MICAL2: variants seen among roughly 807,000 people sequenced by gnomAD.
MICAL2 encodes the protein microtubule associated monooxygenase, calponin and LIM domain containing 2, also known as [F-actin]-monooxygenase MICAL2.
A neutral mutation model predicts 127.3 loss-of-function variants in MICAL2; 77 were observed. The ratio of observed to expected loss-of-function variants is 0.60; its 90% CI spans 0.50 to 0.73. The LOEUF is 0.73. Among genes scored for constraint, MICAL2 ranks in the 30% least tolerant of loss-of-function variants. The probability of loss-of-function intolerance (pLI) is 0.00; values close to 1 mark genes in which losing one functional copy is unlikely to be tolerated. For synonymous variants in MICAL2, 570 were observed against 551.1 expected, an observed-to-expected ratio of 1.03 and a Z score of -0.48; for missense variants, 1,351 against 1,434.4, an observed-to-expected ratio of 0.94 and a Z score of 0.94.
intron 22 of MICAL2, among the ~76,000 whole-genome samples, chr11:12,252,119 G>T (rs1478277882): frequency 1.3e-5 from 2 of 152,134 alleles, no homozygotes; most frequent in South Asian, 4.1e-4. Flanking sequence ...CAAAGCCCAG[G>T]AAGTCCTTTG....
intron 2 of MICAL2, among the ~76,000 whole-genome samples, chr11:12,153,927 T>C (rs989882213): frequency 5.3e-5 from 8 of 152,302 alleles, no homozygotes; most frequent in South Asian, 2.1e-4. Flanking sequence ...GCTCTGCATG[T>C]GGGGTAAGAT....
chr11:12,126,070 T>C (rs1317885879), intron 1 of MICAL2, among the ~76,000 whole-genome samples: 1 of 152,234 alleles, frequency 6.6e-6, no homozygotes, highest in Non-Finnish European at 1.5e-5. Flanking sequence ...GAGGCCCTCC[T>C]GCAGAGCCTG....
chr11:12,329,240 G>C (rs1864387576), intron 32 of MICAL2, among the ~76,000 whole-genome samples: 1 of 152,166 alleles, frequency 6.6e-6, no homozygotes, highest in Admixed American at 6.5e-5. Flanking sequence ...CAAATATAAA[G>C]AGTTTCTTGC....
At chr11:12,330,083 T>C (rs985214094) in intron 32 of MICAL2, among the ~76,000 whole-genome samples, 2 of 152,148 alleles carry the variant, frequency 1.3e-5, no homozygotes, top group African/African-American at 4.8e-5. Flanking sequence ...AACAAGGGGC[T>C]GGAGACTAAA....
chr11:12,360,120 A>T (rs558593426), downstream of MICAL2, among the ~76,000 whole-genome samples: 2,702 of 113,380 alleles, frequency 0.024, 66 homozygotes, highest in African/African-American at 0.097. Context: ...TTTTTTTTTT[A>T]AAAAAAAAAT....
At chr11:12,242,121 C>G (rs1278791877) in intron 18 of MICAL2, 93 bp from the exon 19 acceptor site, 2 of 1,103,038 alleles carry the variant, frequency 1.8e-6, no homozygotes, top group Non-Finnish European at 2.5e-6. Flanking sequence ...CTGGTGCACC[C>G]TTTGTCTCTG....
intron 33 of MICAL2, among the ~76,000 whole-genome samples, chr11:12,354,456 G>C (rs1250558665): frequency 7.3e-6 from 1 of 137,040 alleles, no homozygotes; most frequent in Non-Finnish European, 1.6e-5. Flanking sequence ...TGGGTGACAA[G>C]AGCAAACTCT....
intron 29 of MICAL2, among the ~76,000 whole-genome samples, chr11:12,302,833 G>A (rs1864062786): frequency 6.6e-6 from 1 of 152,144 alleles, no homozygotes; most frequent in African/African-American, 2.4e-5. Flanking sequence ...CTGGCCAGAA[G>A]TATTTATTTT....
intron 3 of MICAL2, among the ~76,000 whole-genome samples, chr11:12,178,193 C>T (rs1285148056): frequency 1.3e-5 from 2 of 152,166 alleles, no homozygotes; most frequent in African/African-American, 4.8e-5. Context: ...GGATCTTCCA[C>T]TAGCTGAACA....
intron 3 of MICAL2, among the ~76,000 whole-genome samples, chr11:12,194,082 C>T (rs1315308357): frequency 6.6e-6 from 1 of 152,212 alleles, no homozygotes; most frequent in Non-Finnish European, 1.5e-5. Flanking sequence ...TCAAGTGGCC[C>T]CCGGCCATGG....
intron 1 of MICAL2, among the ~76,000 whole-genome samples, chr11:12,113,979 C>T (rs1426250930): frequency 6.6e-6 from 1 of 152,216 alleles, no homozygotes; most frequent in Non-Finnish European, 1.5e-5. Flanking sequence ...ATCCTCTGTG[C>T]TCTTTGCTCT....
At chr11:12,268,984 C>T (rs539129859) in intron 24 of MICAL2, among the ~76,000 whole-genome samples, 4 of 151,934 alleles carry the variant, frequency 2.6e-5, no homozygotes, top group Admixed American at 6.5e-5. Context: ...CGGCGACGAG[C>T]GAGACTCCGT....
At chr11:12,338,789 C>G (rs1425943861) in intron 32 of MICAL2, among the ~76,000 whole-genome samples, 1 of 152,230 alleles carries the variant, frequency 6.6e-6, no homozygotes, top group South Asian at 2.1e-4. Context: ...GGCCCCTACT[C>G]TCTTCTGGCT....
chr11:12,266,968 A>G (rs574185398), downstream of MICAL2, among the ~76,000 whole-genome samples: 14 of 152,356 alleles, frequency 9.2e-5, no homozygotes, highest in African/African-American at 2.2e-4. Flanking sequence ...CTTGTCGGGC[A>G]TTCTCGATTA....
chr11:12,304,774 G>A (rs943203953), intron 29 of MICAL2, among the ~76,000 whole-genome samples: 8 of 151,812 alleles, frequency 5.3e-5, no homozygotes, highest in Non-Finnish European at 1.2e-4. Context: ...CTTCTCTTCT[G>A]TTTCACTGGC....
intron 32 of MICAL2, among the ~76,000 whole-genome samples, chr11:12,344,157 A>G (rs906999991): frequency 6.6e-6 from 1 of 152,056 alleles, no homozygotes; most frequent in African/African-American, 2.4e-5. Context: ...TTAGTCGGGC[A>G]TGGTGGCACA....
intron 32 of MICAL2, among the ~76,000 whole-genome samples, chr11:12,344,818 G>A (rs1226035547): frequency 6.8e-6 from 1 of 146,100 alleles, no homozygotes; most frequent in East Asian, 2.3e-4. Flanking sequence ...AATTATCAAA[G>A]AAATTGTGGA....
intron 3 of MICAL2, among the ~76,000 whole-genome samples, chr11:12,176,486 T>A (rs948100769): frequency 6.6e-6 from 1 of 152,174 alleles, no homozygotes; most frequent in African/African-American, 2.4e-5. Flanking sequence ...GTGACACAAC[T>A]TTTTTTAACA....
At chr11:12,208,638 T>C (rs1258247392) in intron 5 of MICAL2, among the ~76,000 whole-genome samples, 1 of 152,272 alleles carries the variant, frequency 6.6e-6, no homozygotes, top group African/African-American at 2.4e-5. Flanking sequence ...TAAACTATGA[T>C]ATTTGCCCGT....
Sources: allele counts gnomAD v4.1 joint callset (sites outside exome capture counted in the v4.1 genomes callset), GRCh38; gene constraint gnomAD v4.1.1; transcripts MANE v1.5; gene names NCBI Gene and HGNC (gene_info 2026-07-23, HGNC 2026-07-21).